The following FSTL4 variants were observed in gnomAD, a reference collection of about 807,000 sequenced individuals.
The protein encoded by FSTL4 is follistatin like 4, also known as follistatin-related protein 4.
Under a neutral mutation model 78.2 loss-of-function variants are expected in FSTL4, and 28 were observed. The observed-to-expected ratio is 0.36, with a 90% CI of 0.27 to 0.49. The LOEUF is 0.49. FSTL4 is among the 20% of genes least tolerant of loss of function. FSTL4 has a pLI of 0.98. For synonymous variants in FSTL4, 422 were observed against 440.5 expected, an observed-to-expected ratio of 0.96 and a Z score of 0.53; for missense variants, 922 against 1,084.9, an observed-to-expected ratio of 0.85 and a Z score of 2.11.
At chr5:133,223,831 CTTGTT>C (rs1376493387) in intron 11 of FSTL4, among the ~76,000 whole-genome samples, 1 of 152,118 alleles carries the variant, frequency 6.6e-6, no homozygotes, top group Non-Finnish European at 1.5e-5. Context: ...AGATCTACAA[CTTGTT>C]TTGTCTTTTT....
At chr5:133,619,096 A>G in the FSTL4 span, among the ~76,000 whole-genome samples, 1 of 152,156 alleles carries the variant, frequency 6.6e-6, no homozygotes, top group Admixed American at 6.5e-5. Context: ...TCCAGTGGTG[A>G]TCAGGGAGCC....
the FSTL4 span, among the ~76,000 whole-genome samples, chr5:133,684,831 C>T: frequency 6.6e-6 from 1 of 152,148 alleles, no homozygotes; most frequent in African/African-American, 2.4e-5. Flanking sequence ...GCATAAATTA[C>T]GGATGACCTG....
At chr5:133,628,262 TCA>T in the FSTL4 span, among the ~76,000 whole-genome samples, 1 of 151,796 alleles carries the variant, frequency 6.6e-6, no homozygotes, top group Non-Finnish European at 1.5e-5. Flanking sequence ...ATAGCTAAGA[TCA>T]GAGCAGAACT....
At chr5:133,806,691 G>A in the FSTL4 span, among the ~76,000 whole-genome samples, 1 of 152,238 alleles carries the variant, frequency 6.6e-6, no homozygotes, top group Non-Finnish European at 1.5e-5. Context: ...ATGGAGGATA[G>A]GAAGTGCCCC....
chr5:133,242,965 A>G (rs1751923178), intron 7 of FSTL4, among the ~76,000 whole-genome samples: 1 of 152,234 alleles, frequency 6.6e-6, no homozygotes, highest in African/African-American at 2.4e-5. Context: ...TATAAAGACA[A>G]TAAAAATTAA....
intron 1 of FSTL4, 130 bp from the exon 2 acceptor site, chr5:133,604,123 T>C: frequency 1.5e-6 from 1 of 650,920 alleles, no homozygotes; most frequent in Non-Finnish European, 2.7e-6. Context: ...ACTTCTGTTC[T>C]ACCTTGGAGA....
the FSTL4 span, among the ~76,000 whole-genome samples, chr5:133,774,673 C>T: frequency 0.054 from 8,147 of 152,142 alleles, 262 homozygotes; most frequent in African/African-American, 0.064. Context: ...TTCACATGGC[C>T]GGGATGGCAG....
intron 3 of FSTL4, among the ~76,000 whole-genome samples, chr5:133,485,483 G>C (rs1161769180): frequency 1.3e-5 from 2 of 152,248 alleles, no homozygotes; most frequent in Admixed American, 1.3e-4. Flanking sequence ...TTTAATTTCA[G>C]TACATGCAGC....
At chr5:133,538,976 T>C (rs780550569) in intron 3 of FSTL4, among the ~76,000 whole-genome samples, 51 of 152,272 alleles carry the variant, frequency 3.3e-4, no homozygotes, top group African/African-American at 1.1e-3. Flanking sequence ...TTGGCTCACT[T>C]GGGCTCCTTC....
intron 4 of FSTL4, among the ~76,000 whole-genome samples, chr5:133,332,659 A>G (rs1258628781): frequency 6.6e-6 from 1 of 152,218 alleles, no homozygotes; most frequent in African/African-American, 2.4e-5. Context: ...ATGCTTTGAA[A>G]ATGTGGTTAA....
chr5:133,724,671 C>T, the FSTL4 span, among the ~76,000 whole-genome samples: 1 of 152,270 alleles, frequency 6.6e-6, no homozygotes, highest in Admixed American at 6.5e-5. Flanking sequence ...CAATCTGCGG[C>T]TTGTTCATTT....
At chr5:133,560,664 G>T (rs533211310) in intron 3 of FSTL4, among the ~76,000 whole-genome samples, 8 of 151,728 alleles carry the variant, frequency 5.3e-5, no homozygotes, top group Non-Finnish European at 7.4e-5. Context: ...GTGCCCGGTC[G>T]TTTGTCTTTA....
chr5:133,283,036 G>A (rs151076673), intron 6 of FSTL4, among the ~76,000 whole-genome samples: 1 of 146,410 alleles, frequency 6.8e-6, no homozygotes, highest in Non-Finnish European at 1.5e-5. Context: ...TGGGGCCCTG[G>A]GCTGGAGGAG....
the FSTL4 span, among the ~76,000 whole-genome samples, chr5:133,836,964 T>G: frequency 6.6e-6 from 1 of 152,212 alleles, no homozygotes; most frequent in African/African-American, 2.4e-5. Flanking sequence ...TTCATAGTGC[T>G]TCTTGAATGT....
chr5:133,674,195 T>C, the FSTL4 span, among the ~76,000 whole-genome samples: 28 of 152,292 alleles, frequency 1.8e-4, no homozygotes, highest in African/African-American at 6.3e-4. Context: ...ACTGTTTTTA[T>C]CCTGCCAACT....
intron 4 of FSTL4, among the ~76,000 whole-genome samples, chr5:133,366,002 C>T (rs574042633): frequency 1.5e-4 from 23 of 152,314 alleles, no homozygotes; most frequent in African/African-American, 5.5e-4. Context: ...CAGTATTACC[C>T]TCCTCTAATG....
At chr5:133,305,718 G>A (rs914570213) in intron 6 of FSTL4, among the ~76,000 whole-genome samples, 2 of 152,282 alleles carry the variant, frequency 1.3e-5, no homozygotes, top group East Asian at 1.9e-4. Flanking sequence ...CTCTGTGTGC[G>A]TTTGCTGACC....
chr5:133,514,174 G>A (rs1187265464), intron 3 of FSTL4, among the ~76,000 whole-genome samples: 11 of 123,304 alleles, frequency 8.9e-5, no homozygotes, highest in African/African-American at 1.2e-4. Context: ...GCAAGACTCC[G>A]TCTCAATGAT....
At position 133,603,249 on chromosome 5, in the gene FSTL4, A is replaced by G. The variant is rs143265346; in HGVS notation, c.126+609T>C. ...GCAGTTTATGGATCCTCTTTACTAC[A>G]TAAGACCAGGGTTCACTAAGCAATT... is the stretch of plus-strand genomic sequence containing the variant. On this transcript the variant is annotated intron_variant, in intron 2 of 15. Transcript: ENST00000265342. Among the ~76,000 whole-genome samples the G allele has an allele frequency of 2.5e-4, 38 of 152,306 alleles. 1 individual carries two copies. Among genetic ancestry groups the G allele is most frequent in the African/African-American group, 7.9e-4 (33 of 41,570 alleles).
Sources: gnomAD v4.1 joint callset for allele counts (sites outside exome capture counted in the v4.1 genomes callset) on GRCh38, gnomAD v4.1.1 for gene constraint, MANE v1.5 for transcripts, NCBI Gene and HGNC (gene_info 2026-07-23, HGNC 2026-07-21) for gene names.